The following CNBD1 variants were observed in gnomAD, a reference collection of about 807,000 sequenced individuals.
CNBD1 encodes cyclic nucleotide-binding domain-containing protein 1.
CNBD1 carries 71 observed loss-of-function variants against 54.4 expected under a neutral mutation model. The observed-to-expected ratio is 1.30, with a 90% CI of 1.08 to 1.59. CNBD1 has a LOEUF of 1.59. Among genes scored for constraint, CNBD1 ranks in the 40% most tolerant of loss-of-function variants. CNBD1 has a pLI of 0.00. For synonymous variants in CNBD1, 182 were observed against 170.7 expected (o/e 1.07, Z -0.51); for missense variants, 659 against 518.0 (o/e 1.27, Z -2.64).
At chr8:87,111,375 T>C (rs1370025556) in intron 4 of CNBD1, among the ~76,000 whole-genome samples, 1 of 152,362 alleles carries the variant, frequency 6.6e-6, no homozygotes, top group South Asian at 2.1e-4. Flanking sequence ...CTGGTTATTA[T>C]CTGATCTCAT....
At chr8:86,962,557 G>A (rs377169231) in intron 4 of CNBD1, among the ~76,000 whole-genome samples, 11 of 152,080 alleles carry the variant, frequency 7.2e-5, no homozygotes, top group Admixed American at 1.3e-4. Context: ...AGGCTGAGGC[G>A]GGCACATCAC....
chr8:87,043,193 G>C (rs889636274), intron 4 of CNBD1, among the ~76,000 whole-genome samples: 2 of 152,154 alleles, frequency 1.3e-5, no homozygotes, highest in Non-Finnish European at 1.5e-5. Context: ...GAATGAGGTG[G>C]TTGTACCTGT....
At chr8:87,382,555 GA>G in intron 10 of CNBD1, 64 bp from the exon 11 acceptor site, 1 of 1,352,810 alleles carries the variant, frequency 7.4e-7, no homozygotes, top group South Asian at 1.3e-5. Context: ...TATTCTGTAG[GA>G]AAATAATTAC....
chr8:87,301,949 A>T (rs1163352355), intron 8 of CNBD1, among the ~76,000 whole-genome samples: 1 of 152,200 alleles, frequency 6.6e-6, no homozygotes, highest in Admixed American at 6.5e-5. Flanking sequence ...AAGAATTTGA[A>T]TCTCTGAATA....
At chr8:87,112,083 G>A (rs1488151524) in intron 4 of CNBD1, among the ~76,000 whole-genome samples, 1 of 152,152 alleles carries the variant, frequency 6.6e-6, no homozygotes, top group Non-Finnish European at 1.5e-5. Flanking sequence ...GTCAGGTGGA[G>A]GGTCTTTCAG....
intron 8 of CNBD1, among the ~76,000 whole-genome samples, chr8:87,296,184 G>T (rs1348803005): frequency 6.6e-6 from 1 of 152,108 alleles, no homozygotes; most frequent in Non-Finnish European, 1.5e-5. Flanking sequence ...AATTCGTATT[G>T]GATGTTGTGA....
At chr8:87,387,761 A>G (rs1349635262), downstream of CNBD1, among the ~76,000 whole-genome samples, 2 of 152,230 alleles carry the variant, frequency 1.3e-5, no homozygotes, top group Admixed American at 6.5e-5. Flanking sequence ...AGGACCTAAT[A>G]GACATCTACA....
At chr8:86,931,349 C>T (rs538153360) in intron 3 of CNBD1, among the ~76,000 whole-genome samples, 15 of 152,288 alleles carry the variant, frequency 9.8e-5, no homozygotes, top group Admixed American at 9.1e-4. Flanking sequence ...GACCCTCAGT[C>T]CTGTTGTTGG....
intron 6 of CNBD1, among the ~76,000 whole-genome samples, chr8:87,273,974 T>A (rs1808423426): frequency 7.2e-6 from 1 of 138,038 alleles, no homozygotes; most frequent in South Asian, 2.3e-4. Context: ...CCTGTGTCCA[T>A]GTGTTCTCAT....
chr8:87,075,562 C>T (rs1002249209), intron 4 of CNBD1, among the ~76,000 whole-genome samples: 1 of 152,070 alleles, frequency 6.6e-6, no homozygotes, highest in Non-Finnish European at 1.5e-5. Flanking sequence ...TTTTTTCAGA[C>T]ATTGTTAAAT....
At chr8:87,078,518 A>C (rs1344545664) in intron 4 of CNBD1, among the ~76,000 whole-genome samples, 1 of 152,186 alleles carries the variant, frequency 6.6e-6, no homozygotes, top group African/African-American at 2.4e-5. Flanking sequence ...TCCTCTACAA[A>C]AATAAACATT....
At chr8:87,298,514 T>C (rs1808923278) in intron 8 of CNBD1, among the ~76,000 whole-genome samples, 1 of 142,926 alleles carries the variant, frequency 7.0e-6, no homozygotes, top group African/African-American at 2.6e-5. Flanking sequence ...AGATGGAGCC[T>C]CTCACTGTCG....
chr8:87,045,276 G>A (rs1041677442), intron 4 of CNBD1, among the ~76,000 whole-genome samples: 24 of 152,152 alleles, frequency 1.6e-4, no homozygotes, highest in African/African-American at 5.3e-4. Flanking sequence ...AGAAAAAGAG[G>A]TCCCAGTAAA....
At chr8:86,978,772 G>A (rs146636169) in intron 4 of CNBD1, among the ~76,000 whole-genome samples, 5,624 of 151,970 alleles carry the variant, frequency 0.037, 120 homozygotes, top group Non-Finnish European at 0.044. Flanking sequence ...GACCTCAGGC[G>A]ATCCACCTGC....
chr8:86,926,834 G>T (rs1809369080), intron 3 of CNBD1, among the ~76,000 whole-genome samples: 1 of 152,146 alleles, frequency 6.6e-6, no homozygotes, highest in Non-Finnish European at 1.5e-5. Context: ...GTGGTAGTAG[G>T]ATAATGAAGT....
chr8:87,231,600 C>CA (rs1807435888), intron 5 of CNBD1, among the ~76,000 whole-genome samples: 1 of 151,914 alleles, frequency 6.6e-6, no homozygotes, highest in African/African-American at 2.4e-5. Flanking sequence ...CAAAGAAAGT[C>CA]AAACAATATT....
chr8:87,292,321 C>T (rs902287730), intron 8 of CNBD1, among the ~76,000 whole-genome samples: 4 of 152,068 alleles, frequency 2.6e-5, no homozygotes, highest in South Asian at 2.1e-4. Flanking sequence ...AACATTAGCA[C>T]GGCATTAAGG....
At chr8:87,086,035 C>T (rs1482433347) in intron 4 of CNBD1, among the ~76,000 whole-genome samples, 2 of 152,042 alleles carry the variant, frequency 1.3e-5, no homozygotes, top group Non-Finnish European at 2.9e-5. Context: ...TTCCCTTTTT[C>T]AGGTCTTTTA....
intron 8 of CNBD1, among the ~76,000 whole-genome samples, chr8:87,331,561 C>T (rs1342466787): frequency 6.6e-6 from 1 of 152,060 alleles, no homozygotes; most frequent in Non-Finnish European, 1.5e-5. Context: ...GATTTCTGTC[C>T]CTCTGGTTAT....
Sources: gnomAD v4.1 joint callset for allele counts (sites outside exome capture counted in the v4.1 genomes callset) on GRCh38, gnomAD v4.1.1 for gene constraint, MANE v1.5 for transcripts, NCBI Gene and HGNC (gene_info 2026-07-23, HGNC 2026-07-21) for gene names.